Variants in URB1 observed in about 807,000 individuals in gnomAD.
URB1 encodes URB1 ribosome biogenesis factor, also known as nucleolar pre-ribosomal-associated protein 1.
In URB1, 197 loss-of-function variants were observed where a neutral mutation model predicts 242.3. That is an observed-to-expected ratio of 0.81 (90% CI 0.72 to 0.91). The LOEUF (loss-of-function observed/expected upper bound fraction) is 0.91, where lower values mean the gene tolerates loss of function less well. URB1 is among the 40% of genes least tolerant of loss of function. The probability of loss-of-function intolerance (pLI) is 0.00; values close to 1 mark genes in which losing one functional copy is unlikely to be tolerated. For missense variants in URB1, 2,721 were observed against 2,860.5 expected (o/e 0.95, Z 1.11); for synonymous variants, 1,153 against 1,201.8 (o/e 0.96, Z 0.84).
intron 8 of URB1, among the ~76,000 whole-genome samples, chr21:32,370,885 A>G (rs952709678): frequency 2.0e-5 from 3 of 152,196 alleles, no homozygotes; most frequent in African/African-American, 7.2e-5. Flanking sequence ...ATGCTCTAAC[A>G]CCAGCTTTCA....
chr21:32,385,422 G>A, intron 2 of URB1, 123 bp downstream of exon 2: 1 of 1,378,720 alleles, frequency 7.3e-7, no homozygotes, highest in South Asian at 1.5e-5. Context: ...TACAGCACAG[G>A]GACAAAGCAT....
At chr21:32,341,381 A>G in intron 25 of URB1, 85 bp downstream of exon 25, 1 of 1,350,080 alleles carries the variant, frequency 7.4e-7, no homozygotes, top group Non-Finnish European at 1.0e-6. Context: ...GGATTATGCT[A>G]ATAACAAGCT....
rs541889351 is a variant in URB1, at chr21:32,337,116, T to G, written c.4663A>C (p.Lys1555Gln). ...CACCTGAAGTTGATGAGGCTGAGCT[T>G]GTTCTGCTCATACGCTCGAAGCAGA... ...LLLLRAYEQN[K>Q]LSLINFRVLL... The change falls in exon 28 of 39, where the codon AAG becomes CAG. Residue 1555 changes from lysine (K) to glutamine (Q), a missense_variant. Transcript: ENST00000382751. 3 of 1,551,888 alleles carry G rather than the reference T, an allele frequency of 1.9e-6. No homozygotes were observed. In the South Asian group the frequency reaches 3.6e-5, roughly 18 times the overall value.
rs1057225221 is a variant in URB1, at chr21:32,320,502, C to T, written c.5594+29G>A. On this transcript the variant is annotated intron_variant, in intron 35 of 38. Transcript: ENST00000382751. The stretch of plus-strand genomic sequence containing the variant: ...TTCTGTTCCTTTCCTTCCCACCTGA[C>T]GCGCACCTCGCATGCAAAAGGTACT... 40 of 1,471,092 alleles carry T rather than the reference C, an allele frequency of 2.7e-5. No homozygotes were observed. The Admixed American group carries it at 5.4e-4, about 20-fold the overall frequency. The allele number at this position is 1,471,092 out of a possible 1,614,324, so 91.1% of individuals were successfully genotyped here. A position where few individuals can be genotyped will look rare whatever the true frequency, so the allele number is the denominator to read the frequency against.
chr21:32,344,787 G>C (rs1313236769), intron 23 of URB1, 31 bp from the exon 24 acceptor site: 3 of 1,541,944 alleles, frequency 1.9e-6, no homozygotes, highest in Admixed American at 2.0e-5. Context: ...CAGAGACAGA[G>C]AGCAGGTTTA....
At position 32,311,691 on chromosome 21, in the gene URB1, C is replaced by G. The variant is rs777744361; in HGVS notation, c.*3227G>C. On this transcript the variant is annotated 3_prime_UTR_variant, in exon 39 of 39. Coordinates refer to ENST00000382751, the MANE Select transcript of URB1 (RefSeq NM_014825.3). ...ACTCTGCTCTGTTCACAGGAACAGC[C>G]CCAAGCACCACCAAACATGCCCCTG... The G allele has an allele frequency of 6.2e-7, 1 of 1,613,946 alleles. No individual in the cohort carries two copies. Among genetic ancestry groups the G allele is most frequent in the South Asian group, 1.1e-5 (1 of 91,034 alleles).
chr21:32,360,763 G>A (rs2033273873), intron 13 of URB1, among the ~76,000 whole-genome samples: 1 of 152,204 alleles, frequency 6.6e-6, no homozygotes, highest in African/African-American at 2.4e-5. Flanking sequence ...ATTCATGTAG[G>A]TTGCTCAGCA....
chr21:32,352,864 A>T lies in URB1; in HGVS notation c.2459T>A (p.Leu820His), dbSNP rs1355589040. The change falls in exon 19 of 39, where the codon CTC (leucine) becomes CAC (histidine). Residue 820 changes from leucine to histidine, a missense_variant. Transcript: ENST00000382751. The part of the protein sequence containing the change: ...VTYLTAVLTD[L>H]LHTQRDPLAL... Reference sequence around the variant, plus strand: ...CAGGGGGTCCCTCTGGGTGTGGAGGAGGTCAGTCAGCACTGCCGTCAGATA... The same window carrying T: ...CAGGGGGTCCCTCTGGGTGTGGAGGTGGTCAGTCAGCACTGCCGTCAGATA... 2 of 1,551,342 alleles carry T rather than the reference A, an allele frequency of 1.3e-6. No individual in the cohort carries two copies. Among genetic ancestry groups the T allele is most frequent in the Admixed American group, 2.0e-5 (1 of 50,968 alleles).
chr21:32,332,287 C>T (rs1217015908), intron 30 of URB1, among the ~76,000 whole-genome samples: 1 of 151,632 alleles, frequency 6.6e-6, no homozygotes, highest in Non-Finnish European at 1.5e-5. Flanking sequence ...AGAGCATGAT[C>T]CGTAAAAGGA....
chr21:32,317,602 G>A (rs2032707313), intron 37 of URB1, 74 bp downstream of exon 37: 1 of 1,512,134 alleles, frequency 6.6e-7, no homozygotes, highest in Non-Finnish European at 8.9e-7. Context: ...GAGAGACAGA[G>A]AGAGAGGGAG....
intron 8 of URB1, among the ~76,000 whole-genome samples, chr21:32,369,809 T>A (rs906722345): frequency 6.6e-6 from 1 of 151,906 alleles, no homozygotes; most frequent in Non-Finnish European, 1.5e-5. Context: ...AGCTAGGATG[T>A]GGAAAAAATC....
chr21:32,356,060 A>T (rs1296217505), intron 15 of URB1, among the ~76,000 whole-genome samples: 2 of 152,204 alleles, frequency 1.3e-5, no homozygotes, highest in African/African-American at 4.8e-5. Flanking sequence ...GAGGGAAACA[A>T]GCAAATCATT....
intron 25 of URB1, among the ~76,000 whole-genome samples, chr21:32,339,751 A>G (rs911646227): frequency 1.3e-5 from 2 of 152,182 alleles, no homozygotes; most frequent in Admixed American, 1.3e-4. Flanking sequence ...TCAGCCTCCC[A>G]AAGTGCTGGG....
intron 17 of URB1, among the ~76,000 whole-genome samples, chr21:32,354,550 T>C (rs1297947513): frequency 1.3e-5 from 2 of 152,260 alleles, no homozygotes; most frequent in African/African-American, 2.4e-5. Context: ...TTTATCTCTA[T>C]ATAAAATGAG....
chr21:32,372,732 T>A (rs989169012), intron 7 of URB1, 101 bp from the exon 8 acceptor site: 2 of 1,309,854 alleles, frequency 1.5e-6, no homozygotes, highest in Admixed American at 3.1e-5. Flanking sequence ...GATGACAATT[T>A]AGAAAACATT....
chr21:32,366,787 G>A (rs1403406504), intron 9 of URB1, 32 bp from the exon 10 acceptor site: 2 of 1,547,374 alleles, frequency 1.3e-6, no homozygotes, highest in Non-Finnish European at 8.7e-7. Flanking sequence ...TTTAGGTGGT[G>A]CTAGAAGTAA....
At position 32,314,510 on chromosome 21, in the gene URB1, T is replaced by C. The variant is rs370615499; in HGVS notation, c.*408A>G. 2 of 1,574,162 alleles carry C rather than the reference T, an allele frequency of 1.3e-6. No individual in the cohort carries two copies. Among genetic ancestry groups the C allele is most frequent in the East Asian group, 2.2e-5 (1 of 44,664 alleles). On this transcript the variant is annotated 3_prime_UTR_variant, in exon 39 of 39. Coordinates refer to ENST00000382751, the MANE Select transcript of URB1 (RefSeq NM_014825.3). ...AAAAATAAACTTTAAACATCTCTCT[T>C]CGTTTTCATAAAAAAAATCTGATAC...
chr21:32,391,621 C>T (rs189561603), intron 1 of URB1, among the ~76,000 whole-genome samples: 84 of 152,206 alleles, frequency 5.5e-4, no homozygotes, highest in African/African-American at 2.0e-3. Context: ...CAAATAATAG[C>T]CTCTAGTAAT....
chr21:32,349,530 C>T, intron 20 of URB1, 47 bp from the exon 21 acceptor site: 1 of 1,488,824 alleles, frequency 6.7e-7, no homozygotes, highest in Admixed American at 2.5e-5. Context: ...GACGGGTTCA[C>T]AGCTACCAGG....
Sources: allele counts gnomAD v4.1 joint callset (sites outside exome capture counted in the v4.1 genomes callset), GRCh38; gene constraint gnomAD v4.1.1; transcripts MANE v1.5; gene names NCBI Gene and HGNC (gene_info 2026-07-23, HGNC 2026-07-21).